The following LMNTD1 variants were observed in gnomAD, a reference collection of about 807,000 sequenced individuals.
LMNTD1 encodes lamin tail domain containing 1.
LMNTD1 carries 35 observed loss-of-function variants against 50.9 expected under a neutral mutation model. The observed-to-expected ratio is 0.69, with a 90% CI of 0.53 to 0.91. The LOEUF (loss-of-function observed/expected upper bound fraction) is 0.91. Ranked by LOEUF, LMNTD1 falls within the 40% of genes least tolerant of loss-of-function variation. The pLI is 0.00. For missense variants in LMNTD1, 470 were observed against 475.5 expected, an observed-to-expected ratio of 0.99 and a Z score of 0.11; for synonymous variants, 153 against 161.9, an observed-to-expected ratio of 0.94 and a Z score of 0.42.
chr12:25,587,235 T>C (rs1945558052), intron 1 of LMNTD1, among the ~76,000 whole-genome samples: 1 of 152,236 alleles, frequency 6.6e-6, no homozygotes, highest in Admixed American at 6.5e-5. Flanking sequence ...TCTTCTTTCC[T>C]GGATTATTTT....
chr12:25,584,965 A>G (rs1451538421), intron 1 of LMNTD1, among the ~76,000 whole-genome samples: 1 of 152,246 alleles, frequency 6.6e-6, no homozygotes, highest in Admixed American at 6.5e-5. Context: ...TAGTTGAAAC[A>G]CTTCTCAAGT....
At chr12:25,485,184 A>C (rs2135910146) in intron 9 of LMNTD1, among the ~76,000 whole-genome samples, 1 of 143,876 alleles carries the variant, frequency 7.0e-6, no homozygotes, top group Non-Finnish European at 1.5e-5. Context: ...CTGACTTTTT[A>C]ATGATTGCCA....
intron 9 of LMNTD1, among the ~76,000 whole-genome samples, chr12:25,484,037 T>C (rs2135908437): frequency 6.6e-6 from 1 of 151,924 alleles, no homozygotes; most frequent in South Asian, 2.1e-4. Flanking sequence ...AAAAAACAAG[T>C]GTATTTAAGT....
At chr12:25,586,212 G>A (rs1185177549) in intron 1 of LMNTD1, 6 of 150,346 alleles carry the variant, frequency 4.0e-5, no homozygotes, top group Non-Finnish European at 8.9e-5. Flanking sequence ...TTCCCCTTCC[G>A]TTTGTTTTAT....
Position 25,561,658 on chromosome 12 carries a change from T to C in LMNTD1, c.59-15104A>G, listed in dbSNP as rs1033888428. Among the ~76,000 whole-genome samples the C allele has an allele frequency of 2.3e-4, 35 of 152,172 alleles. 1 individual carries two copies. The highest frequency in any genetic ancestry group is 2.1e-4 in the South Asian group (1 of 4,828). ...GAGTTCTGTAGATGTCTATTAGGTC[T>C]GCTTGGTGCAGAGCTGAGTTCAGGT... On this transcript the variant is annotated intron_variant, in intron 1 of 7. Coordinates refer to the LMNTD1 transcript ENST00000445693.
intron 9 of LMNTD1, among the ~76,000 whole-genome samples, chr12:25,493,180 C>T (rs1403283007): frequency 3.3e-5 from 5 of 152,152 alleles, no homozygotes; most frequent in Non-Finnish European, 7.3e-5. Context: ...TGGTCTATGA[C>T]TTCTTTAAAG....
Position 25,481,433 on chromosome 12 carries a change from G to A in LMNTD1, c.*23-4973C>T, listed in dbSNP as rs568865846. On this transcript the variant is annotated intron_variant, in intron 9 of 9. Transcript: ENST00000458174. ...AGCAGGCAAGTCATTCTATATTTAAGTTGTTTGCAAATAACTTCATATATT... is the reference window on the plus strand; with the variant it reads ...AGCAGGCAAGTCATTCTATATTTAAATTGTTTGCAAATAACTTCATATATT... Among the ~76,000 whole-genome samples the A allele has an allele frequency of 2.2e-4, 33 of 152,072 alleles. 1 individual carries two copies. The South Asian group carries it at 6.8e-3, about 32-fold the overall frequency.
intron 4 of LMNTD1, among the ~76,000 whole-genome samples, chr12:25,529,631 CA>C (rs1292880994): frequency 1.3e-5 from 2 of 152,154 alleles, no homozygotes; most frequent in African/African-American, 4.8e-5. Flanking sequence ...CTGCCTTTAT[CA>C]CGCTCTCATC....
chr12:25,525,800 G>A (rs949067097), intron 6 of LMNTD1, among the ~76,000 whole-genome samples: 3 of 152,002 alleles, frequency 2.0e-5, no homozygotes, highest in Non-Finnish European at 2.9e-5. Context: ...TAAAGAAAAC[G>A]TGGTATATAC....
chr12:25,563,195 C>T (rs779163389), intron 1 of LMNTD1, among the ~76,000 whole-genome samples: 12 of 152,200 alleles, frequency 7.9e-5, no homozygotes, highest in Non-Finnish European at 1.3e-4. Flanking sequence ...CGAGTAGCTG[C>T]GTTCCTTTGG....
intron 1 of LMNTD1, among the ~76,000 whole-genome samples, chr12:25,621,308 A>G (rs1946469049): frequency 6.6e-6 from 1 of 152,144 alleles, no homozygotes; most frequent in Admixed American, 6.5e-5. Context: ...CACTGCAACC[A>G]TGAACCCCTG....
chr12:25,546,581 A>C (rs1943449773), intron 3 of LMNTD1, 27 bp from the exon 4 acceptor site: 1 of 1,422,544 alleles, frequency 7.0e-7, no homozygotes, highest in African/African-American at 1.5e-5. Flanking sequence ...AGAAAGAAGT[A>C]ACCAGGAAAG....
intron 1 of LMNTD1, chr12:25,648,352 G>A (rs1376466585): frequency 1.5e-5 from 10 of 662,850 alleles, no homozygotes; most frequent in South Asian, 5.8e-5. Context: ...GAAATTTCAC[G>A]TTTATGAAAA....
chr12:25,569,139 G>T (rs1253100241), intron 1 of LMNTD1, among the ~76,000 whole-genome samples: 2 of 152,206 alleles, frequency 1.3e-5, no homozygotes, highest in African/African-American at 4.8e-5. Context: ...TGCAGGGGCT[G>T]CACCCGGCAA....
chr12:25,583,528 C>G (rs1037921712), intron 1 of LMNTD1, among the ~76,000 whole-genome samples: 1 of 152,146 alleles, frequency 6.6e-6, no homozygotes, highest in African/African-American at 2.4e-5. Context: ...TCCCCTTGCT[C>G]CTATTTGAGA....
chr12:25,647,357 T>G (rs898483095), intron 1 of LMNTD1, among the ~76,000 whole-genome samples: 15 of 152,126 alleles, frequency 9.9e-5, no homozygotes, highest in African/African-American at 3.6e-4. Context: ...TGGTGGCCTG[T>G]GCCTGTAGTC....
intron 1 of LMNTD1, among the ~76,000 whole-genome samples, chr12:25,562,767 G>A (rs1944389518): frequency 6.6e-6 from 1 of 152,172 alleles, no homozygotes; most frequent in South Asian, 2.1e-4. Context: ...TCACTTTCAG[G>A]TACACCAATC....
In LMNTD1 at chr12:25,600,651, A is replaced by G. The variant is rs1050576693; in HGVS notation, c.58+47843T>C. Among the ~76,000 whole-genome samples, 4 of 152,086 alleles carry G rather than the reference A, an allele frequency of 2.6e-5. No homozygotes were observed. In the South Asian group the frequency reaches 8.3e-4, roughly 31 times the overall value. On this transcript the variant is annotated intron_variant, in intron 1 of 7. Coordinates refer to the LMNTD1 transcript ENST00000445693. The stretch of plus-strand genomic sequence containing the variant: ...AAATGGGCAAAAGATTTGAATAGAC[A>G]TTTCTCAAAAGAAGACATACAAATG...
At chr12:25,526,634 A>G (rs1358691528) in intron 5 of LMNTD1, 135 bp downstream of exon 5, 1 of 531,800 alleles carries the variant, frequency 1.9e-6, no homozygotes, top group Non-Finnish European at 3.1e-6. Flanking sequence ...GTAATTAACC[A>G]CCAACAACAA....
Sources: gnomAD v4.1 joint callset for allele counts (sites outside exome capture counted in the v4.1 genomes callset) on GRCh38, gnomAD v4.1.1 for gene constraint, MANE v1.5 for transcripts, NCBI Gene and HGNC (gene_info 2026-07-23, HGNC 2026-07-21) for gene names.